TTC29: variants seen among roughly 807,000 people sequenced by gnomAD.
The protein encoded by TTC29 is tetratricopeptide repeat protein 29.
TTC29 carries 49 observed loss-of-function variants against 58.1 expected under a neutral mutation model. The observed-to-expected ratio is 0.84, with a 90% CI of 0.67 to 1.07. The LOEUF is 1.07. TTC29 is among the 50% of genes least tolerant of loss of function. The pLI is 0.00. For synonymous variants in TTC29, 209 were observed against 196.8 expected, an observed-to-expected ratio of 1.06 and a Z score of -0.52; for missense variants, 582 against 555.6, an observed-to-expected ratio of 1.05 and a Z score of -0.48.
chr4:146,909,080 T>C lies in TTC29; in HGVS notation c.346A>G (p.Lys116Glu), dbSNP rs767906017. ...LQKPLEEQPDKLDYLYHYLTR... is the reference protein window; with the variant it reads ...LQKPLEEQPDELDYLYHYLTR... ...AGGTAATGGTACAGGTAATCCAGTT[T>C]ATCAGGCTGCTCCTCCAGGGGCTTC... is the stretch of plus-strand genomic sequence containing the variant. Residue 116 changes from lysine (K) to glutamate (E), a missense_variant, in exon 5 of 13, where the codon AAA becomes GAA. Transcript: ENST00000325106. 4.3e-6 allele frequency: 7 copies of C among 1,613,828 alleles called. No individual in the cohort carries two copies. In the African/African-American group the frequency reaches 6.7e-5, roughly 15 times the overall value.
chr4:146,929,194 A>T (rs1351095519), intron 4 of TTC29, among the ~76,000 whole-genome samples: 5 of 152,176 alleles, frequency 3.3e-5, no homozygotes, highest in Admixed American at 3.3e-4. Flanking sequence ...ATAAAGCAAA[A>T]CATATAATTA....
At chr4:146,727,072 T>C (rs1247826484) in intron 11 of TTC29, among the ~76,000 whole-genome samples, 1 of 150,864 alleles carries the variant, frequency 6.6e-6, no homozygotes, top group African/African-American at 2.4e-5. Context: ...GATAAAATGA[T>C]ATATATTTAT....
In TTC29 at chr4:146,707,171, T is replaced by C; in HGVS notation, c.1415A>G (p.Lys472Arg). Residue 472 changes from lysine to arginine, a missense_variant, in exon 13 of 13, where the codon AAA becomes AGA. Transcript: ENST00000325106. ...EELSRFPGDQ[K>R]NET Reference sequence around the variant, plus strand: ...TGAAAAGCTGCTTTAAGTTTCATTTTTTTGATCACCTGGAAACCTGAAATA... The same window carrying C: ...TGAAAAGCTGCTTTAAGTTTCATTTCTTTGATCACCTGGAAACCTGAAATA... 6.5e-7 allele frequency: 1 copy of C among 1,529,750 alleles called. No individual in the cohort carries two copies. The highest frequency in any genetic ancestry group is 8.8e-7 in the Non-Finnish European group (1 of 1,135,672). 94.8% of individuals were successfully genotyped at this position (1,529,750 alleles called of 1,614,324 possible).
chr4:146,921,830 T>C (rs1028335251), intron 4 of TTC29, among the ~76,000 whole-genome samples: 3 of 150,816 alleles, frequency 2.0e-5, no homozygotes, highest in African/African-American at 7.3e-5. Context: ...TAATTATCTA[T>C]CAAACAAATA....
chr4:146,721,757 G>A (rs1743375041), intron 11 of TTC29, among the ~76,000 whole-genome samples: 1 of 152,018 alleles, frequency 6.6e-6, no homozygotes, highest in Non-Finnish European at 1.5e-5. Flanking sequence ...AAGATCTATG[G>A]ACAACTCTTT....
At chr4:146,901,999 T>A (rs543638941) in intron 6 of TTC29, among the ~76,000 whole-genome samples, 1 of 152,318 alleles carries the variant, frequency 6.6e-6, no homozygotes, top group East Asian at 1.9e-4. Flanking sequence ...CAGAACTCTG[T>A]TGCATGGATG....
At chr4:146,883,548 C>T (rs758102297) in intron 6 of TTC29, among the ~76,000 whole-genome samples, 3 of 152,032 alleles carry the variant, frequency 2.0e-5, no homozygotes, top group Non-Finnish European at 2.9e-5. Flanking sequence ...CCAACTCTAA[C>T]ACAATAAATA....
chr4:146,942,701 G>C (rs1273989887), intron 2 of TTC29: 10 of 1,375,768 alleles, frequency 7.3e-6, no homozygotes, highest in Non-Finnish European at 8.8e-6. Flanking sequence ...AATTTAAAAA[G>C]GGAGAGAAGA....
At chr4:146,923,648 C>T (rs536292785) in intron 4 of TTC29, among the ~76,000 whole-genome samples, 1 of 151,944 alleles carries the variant, frequency 6.6e-6, no homozygotes, top group Admixed American at 6.6e-5. Context: ...TATTATGTAA[C>T]ATCATTGAAA....
At chr4:146,904,887 A>G (rs1733419422) in intron 5 of TTC29, among the ~76,000 whole-genome samples, 1 of 152,198 alleles carries the variant, frequency 6.6e-6, no homozygotes, top group African/African-American at 2.4e-5. Context: ...AACCGTAAGT[A>G]AGTCACCCCA....
chr4:146,847,992 T>A (rs1729283656), intron 8 of TTC29, among the ~76,000 whole-genome samples: 1 of 152,184 alleles, frequency 6.6e-6, no homozygotes. Context: ...TACCTTTTCC[T>A]CCCCTATGCA....
intron 11 of TTC29, among the ~76,000 whole-genome samples, chr4:146,754,527 A>G (rs111964694): frequency 9.8e-4 from 149 of 152,312 alleles, no homozygotes; most frequent in African/African-American, 3.6e-3. Flanking sequence ...CCTCAATCAA[A>G]TATCAGCAAA....
intron 4 of TTC29, among the ~76,000 whole-genome samples, chr4:146,934,763 G>A (rs918657396): frequency 1.3e-5 from 2 of 152,074 alleles, no homozygotes; most frequent in Non-Finnish European, 2.9e-5. Flanking sequence ...AGCACAAAAT[G>A]TTCAAGAAGA....
intron 6 of TTC29, among the ~76,000 whole-genome samples, chr4:146,894,813 C>T (rs973875033): frequency 2.0e-5 from 3 of 152,090 alleles, no homozygotes; most frequent in Non-Finnish European, 4.4e-5. Context: ...ATTGTGCCTA[C>T]TCCTTTGATA....
At chr4:146,888,714 T>C (rs985452424) in intron 6 of TTC29, among the ~76,000 whole-genome samples, 2 of 152,276 alleles carry the variant, frequency 1.3e-5, no homozygotes, top group South Asian at 2.1e-4. Flanking sequence ...TTTCATAAAG[T>C]GACATTTTTC....
chr4:146,879,850 CA>C (rs1013018169), intron 6 of TTC29, among the ~76,000 whole-genome samples: 6 of 151,876 alleles, frequency 4.0e-5, no homozygotes, highest in African/African-American at 1.5e-4. Context: ...GAAAACAGGA[CA>C]AAAAAAGAAG....
At chr4:146,930,067 ATTTG>A (rs1735204793) in intron 4 of TTC29, among the ~76,000 whole-genome samples, 1 of 125,854 alleles carries the variant, frequency 7.9e-6, no homozygotes, top group South Asian at 2.8e-4. Flanking sequence ...CACTACATAT[ATTTG>A]TATGTGTGTG....
chr4:146,845,336 A>G (rs1396722173), intron 8 of TTC29, among the ~76,000 whole-genome samples: 1 of 152,168 alleles, frequency 6.6e-6, no homozygotes, highest in Non-Finnish European at 1.5e-5. Context: ...GCCAGTAGAC[A>G]CAGGTTACAT....
intron 7 of TTC29, among the ~76,000 whole-genome samples, chr4:146,868,870 CT>C: frequency 6.6e-6 from 1 of 152,130 alleles, no homozygotes; most frequent in Non-Finnish European, 1.5e-5. Flanking sequence ...GGGCAGATCC[CT>C]CATGAATGTC....
Sources: gnomAD v4.1 joint callset for allele counts (sites outside exome capture counted in the v4.1 genomes callset) on GRCh38, gnomAD v4.1.1 for gene constraint, MANE v1.5 for transcripts, NCBI Gene and HGNC (gene_info 2026-07-23, HGNC 2026-07-21) for gene names.